Variants in POU2F2 observed in about 807,000 individuals in gnomAD.
POU2F2 encodes the protein POU domain, class 2, transcription factor 2.
Under a neutral mutation model 63.5 loss-of-function variants are expected in POU2F2, and 14 were observed. The observed-to-expected ratio is 0.22, with a 90% CI of 0.15 to 0.34. The LOEUF is 0.34. Ranked by LOEUF, POU2F2 falls within the 10% of genes least tolerant of loss-of-function variation. The pLI, the probability that POU2F2 is intolerant of heterozygous loss-of-function variation, is 1.00. For missense variants in POU2F2, 607 were observed against 815.2 expected (o/e 0.74, Z 3.11); for synonymous variants, 306 against 348.6 (o/e 0.88, Z 1.36).
intron 5 of POU2F2, among the ~76,000 whole-genome samples, chr19:42,114,993 T>TA (rs2031658813): frequency 6.6e-6 from 1 of 151,920 alleles, no homozygotes; most frequent in African/African-American, 2.4e-5. Flanking sequence ...TATGTATATA[T>TA]AAAAAAATTA....
At chr19:42,150,405 A>G (rs2034318263) in intron 2 of POU2F2, among the ~76,000 whole-genome samples, 1 of 43,742 alleles carries the variant, frequency 2.3e-5, no homozygotes, top group Non-Finnish European at 4.9e-5. Flanking sequence ...GGTGGGGGGA[A>G]TGGCAGGGGA....
At chr19:42,187,501 C>T (rs2035025706) in intron 1 of POU2F2, among the ~76,000 whole-genome samples, 1 of 148,944 alleles carries the variant, frequency 6.7e-6, no homozygotes, top group Non-Finnish European at 1.5e-5. Flanking sequence ...GTGGCTCAAG[C>T]TTGTAATCCT....
chr19:42,188,308 G>C (rs2035035107), intron 1 of POU2F2, among the ~76,000 whole-genome samples: 1 of 151,610 alleles, frequency 6.6e-6, no homozygotes, highest in Admixed American at 6.6e-5. Context: ...AGAGGTTGCA[G>C]TGAGCTGAAA....
intron 1 of POU2F2, among the ~76,000 whole-genome samples, chr19:42,195,052 AG>A (rs2035121040): frequency 2.0e-4 from 4 of 20,432 alleles, no homozygotes; most frequent in South Asian, 2.9e-3. Flanking sequence ...GGAGGAAGGA[AG>A]GGAGGGAGGG....
At chr19:42,116,960 C>A in intron 5 of POU2F2, 1 of 598,204 alleles carries the variant, frequency 1.7e-6, no homozygotes, top group Non-Finnish European at 3.1e-6. Context: ...TGGGCCTGGG[C>A]TTGCTGCAGG....
rs1375862244 is a variant in POU2F2, at chr19:42,089,628, G to C, written c.*1629C>G. 6.6e-6 allele frequency: 1 copy of C among 151,958 alleles called. No homozygotes were observed. Among genetic ancestry groups the C allele is most frequent in the African/African-American group, 2.4e-5 (1 of 41,238 alleles). 9.4% of individuals were successfully genotyped at this position (151,958 alleles called of 1,614,324 possible). A position where few individuals can be genotyped will look rare whatever the true frequency, so the allele number is the denominator to read the frequency against. On this transcript the variant is annotated 3_prime_UTR_variant, in exon 15 of 15. Coordinates refer to ENST00000692977, the MANE Select transcript of POU2F2 (RefSeq NM_001394376.1). ...TCCTTCCATCCGCCTTGGGGAACAA[G>C]GGCCTGGACCACCGGTGCAGGGGCT...
chr19:42,091,509 C>T lies in POU2F2; in HGVS notation c.1623G>A (p.Pro541=), dbSNP rs1432960680. The T allele has an allele frequency of 4.5e-6, 7 of 1,546,596 alleles. No individual in the cohort carries two copies. Among genetic ancestry groups the T allele is most frequent in the East Asian group, 2.4e-5 (1 of 40,868 alleles). The change falls in exon 15 of 15, where the codon CCG becomes CCA. Residue 541 remains proline, a synonymous_variant. Transcript: ENST00000692977. ...GCGAGGTCACCAGGCCAGGGCTCCC[C>T]GGGGCTGCACCGGCTGCCCCCAGCA... The part of the protein sequence containing the change: ...NLVLGAAGAA[P]GSPGLVTSPL...
At chr19:42,119,678 C>G (rs1039164642) in intron 4 of POU2F2, among the ~76,000 whole-genome samples, 2 of 152,054 alleles carry the variant, frequency 1.3e-5, no homozygotes, top group African/African-American at 4.8e-5. Context: ...CCTCAAAAAT[C>G]GCTTGAACCC....
At chr19:42,176,556 C>T (rs1433001366), upstream of POU2F2, among the ~76,000 whole-genome samples, 1 of 152,094 alleles carries the variant, frequency 6.6e-6, no homozygotes, top group Non-Finnish European at 1.5e-5. Context: ...CTCTCTACTG[C>T]TTCCCCCTCC....
intron 2 of POU2F2, among the ~76,000 whole-genome samples, chr19:42,142,845 T>C (rs2034157062): frequency 6.6e-6 from 1 of 152,176 alleles, no homozygotes; most frequent in Non-Finnish European, 1.5e-5. Flanking sequence ...GTTATAGTCA[T>C]GAGCCACTGT....
intron 5 of POU2F2, among the ~76,000 whole-genome samples, chr19:42,101,899 G>C (rs2146391959): frequency 6.6e-6 from 1 of 151,862 alleles, no homozygotes; most frequent in Admixed American, 6.6e-5. Context: ...ATCGCTTGAA[G>C]CCGGGAGGCG....
intron 1 of POU2F2, among the ~76,000 whole-genome samples, chr19:42,182,242 AAGAGAG>A (rs55947953): frequency 0.014 from 1,781 of 125,986 alleles, 33 homozygotes; most frequent in African/African-American, 0.047. Context: ...TCTGTCTCAA[AAGAGAG>A]AGAGAGAGAG....
intron 2 of POU2F2, among the ~76,000 whole-genome samples, chr19:42,146,250 C>T (rs1455075151): frequency 6.6e-6 from 1 of 152,140 alleles, no homozygotes; most frequent in Non-Finnish European, 1.5e-5. Flanking sequence ...CCAGGATTGG[C>T]ACCCAGGAAA....
chr19:42,186,821 G>A (rs772416742), intron 1 of POU2F2, among the ~76,000 whole-genome samples: 6 of 152,078 alleles, frequency 3.9e-5, no homozygotes, highest in East Asian at 1.9e-4. Flanking sequence ...TGATGCCCAC[G>A]TTTCTCACTT....
At chr19:42,104,009 G>A (rs1239252441) in intron 5 of POU2F2, among the ~76,000 whole-genome samples, 1 of 152,166 alleles carries the variant, frequency 6.6e-6, no homozygotes, top group South Asian at 2.1e-4. Context: ...GAAGAAAAAA[G>A]TAGTGATTAC....
intron 1 of POU2F2, among the ~76,000 whole-genome samples, chr19:42,187,322 G>A (rs564807653): frequency 2.6e-5 from 4 of 151,882 alleles, no homozygotes; most frequent in Admixed American, 2.0e-4. Context: ...AAAATTAGTC[G>A]GGCGTGGTGG....
At chr19:42,105,999 T>TCTTC (rs1487918924) in intron 5 of POU2F2, among the ~76,000 whole-genome samples, 2 of 132,224 alleles carry the variant, frequency 1.5e-5, no homozygotes, top group East Asian at 2.2e-4. Context: ...GATCTTTCTT[T>TCTTC]TTTCTTTCTT....
In POU2F2 at chr19:42,156,553, C is replaced by T. The variant is rs1344419840; in HGVS notation, c.-9+3779G>A. On this transcript the variant is annotated intron_variant, in intron 2 of 6. Coordinates refer to the POU2F2 transcript ENST00000524801. This position sits in a 1 kb window ranked among gnomAD's most constrained non-coding sequence, Gnocchi z 4.1. ...TCCCAGAGCTGCCTCTACACTAAAG[C>T]TCTGTCCCAGCCCAGCCATCCTTCA... 1 of 152,916 alleles carries T rather than the reference C, an allele frequency of 6.5e-6. No individual in the cohort carries two copies. The highest frequency in any genetic ancestry group is 1.5e-5 in the Non-Finnish European group (1 of 68,446). The allele number at this position is 152,916 out of a possible 1,614,324, so 9.5% of individuals were successfully genotyped here.
intron 5 of POU2F2, among the ~76,000 whole-genome samples, chr19:42,107,602 A>G (rs1475644294): frequency 6.6e-6 from 1 of 152,182 alleles, no homozygotes; most frequent in Non-Finnish European, 1.5e-5. Context: ...TACCGCTAAT[A>G]CTACTGTTGT....
Sources: allele counts gnomAD v4.1 joint callset (sites outside exome capture counted in the v4.1 genomes callset), GRCh38; gene constraint gnomAD v4.1.1; non-coding constraint Gnocchi (gnomAD v3.1); transcripts MANE v1.5; gene names NCBI Gene and HGNC (gene_info 2026-07-23, HGNC 2026-07-21).